PXDNL: variants seen among roughly 807,000 people sequenced by gnomAD.
PXDNL encodes the protein probable oxidoreductase PXDNL.
PXDNL carries 145 observed loss-of-function variants against 150.8 expected under a neutral mutation model. The observed-to-expected ratio is 0.96, with a 90% CI of 0.84 to 1.10. The LOEUF (loss-of-function observed/expected upper bound fraction) is 1.10. Among genes scored for constraint, PXDNL ranks in the 50% least tolerant of loss-of-function variants. The pLI is 0.00. For missense variants in PXDNL, 2,087 were observed against 1,873.9 expected (o/e 1.11, Z -2.10); for synonymous variants, 757 against 725.7 (o/e 1.04, Z -0.69).
At chr8:51,690,341 C>T (rs904361547) in intron 1 of PXDNL, among the ~76,000 whole-genome samples, 1 of 152,060 alleles carries the variant, frequency 6.6e-6, no homozygotes, top group Non-Finnish European at 1.5e-5. Flanking sequence ...CTACAACAGT[C>T]CCCAGAGTGT....
chr8:51,608,002 G>GAAGAAAGAAAGAAAGAAAGAAAGA (rs71237219), intron 2 of PXDNL, among the ~76,000 whole-genome samples: 5 of 64,634 alleles, frequency 7.7e-5, no homozygotes, highest in South Asian at 5.0e-4. Context: ...AGGAAGGAAG[G>GAAGAAAGAAAGAAAGAAAGAAAGA]AAGAAAGAAA....
intron 12 of PXDNL, among the ~76,000 whole-genome samples, chr8:51,444,225 G>A (rs566845242): frequency 6.8e-4 from 104 of 152,266 alleles, no homozygotes; most frequent in African/African-American, 2.4e-3. Context: ...GGTTCAGGCT[G>A]AGGCTCCAGC....
intron 3 of PXDNL, among the ~76,000 whole-genome samples, chr8:51,580,011 T>C (rs1813169357): frequency 6.8e-6 from 1 of 146,940 alleles, no homozygotes; most frequent in Non-Finnish European, 1.5e-5. Flanking sequence ...ATAATAATAA[T>C]AAAATTAAAT....
At chr8:51,639,900 A>T (rs961858088) in intron 2 of PXDNL, among the ~76,000 whole-genome samples, 10 of 152,096 alleles carry the variant, frequency 6.6e-5, no homozygotes, top group African/African-American at 1.9e-4. Context: ...GACGCAACCA[A>T]AAAAGAGAAT....
chr8:51,656,654 G>A (rs995091387), intron 1 of PXDNL, among the ~76,000 whole-genome samples: 10 of 152,078 alleles, frequency 6.6e-5, no homozygotes, highest in South Asian at 6.2e-4. Flanking sequence ...CCTTATTTTC[G>A]GCTTTGAAAT....
chr8:51,443,462 G>A (rs1341147669), intron 12 of PXDNL, among the ~76,000 whole-genome samples: 1 of 152,054 alleles, frequency 6.6e-6, no homozygotes, highest in Admixed American at 6.6e-5. Flanking sequence ...CAATCATTTT[G>A]GCCTCAGGAA....
intron 21 of PXDNL, among the ~76,000 whole-genome samples, chr8:51,332,574 C>CA (rs34764699): frequency 0.04 from 5,421 of 135,264 alleles, 202 homozygotes; most frequent in African/African-American, 0.096. Context: ...GAGCTTGTAT[C>CA]AAAAAAAAAA....
chr8:51,763,180 G>T (rs947155760), intron 1 of PXDNL, among the ~76,000 whole-genome samples: 3 of 152,044 alleles, frequency 2.0e-5, no homozygotes, highest in Non-Finnish European at 4.4e-5. Context: ...TTATATAAAT[G>T]ATATCATAGA....
At chr8:51,468,664 CT>C (rs1490101943) in intron 8 of PXDNL, among the ~76,000 whole-genome samples, 1 of 151,888 alleles carries the variant, frequency 6.6e-6, no homozygotes, top group African/African-American at 2.4e-5. Flanking sequence ...CCCTGCTTCC[CT>C]TTTGTGGATT....
intron 4 of PXDNL, among the ~76,000 whole-genome samples, chr8:51,508,967 C>T (rs1233607240): frequency 1.3e-5 from 2 of 152,180 alleles, no homozygotes; most frequent in African/African-American, 4.8e-5. Context: ...AAAAGAGATC[C>T]AGATGCTGCA....
intron 1 of PXDNL, among the ~76,000 whole-genome samples, chr8:51,694,097 C>T (rs996419251): frequency 2.6e-5 from 4 of 152,288 alleles, no homozygotes; most frequent in South Asian, 2.1e-4. Flanking sequence ...TAGTATCCTG[C>T]GGAAAAATGC....
intron 17 of PXDNL, among the ~76,000 whole-genome samples, chr8:51,387,016 C>T (rs1009990206): frequency 8.5e-5 from 13 of 152,238 alleles, no homozygotes; most frequent in Non-Finnish European, 1.6e-4. Flanking sequence ...GATGTGAGAG[C>T]TTCTCCACTC....
At chr8:51,561,124 G>T (rs1278583174) in intron 3 of PXDNL, among the ~76,000 whole-genome samples, 1 of 151,972 alleles carries the variant, frequency 6.6e-6, no homozygotes, top group Admixed American at 6.6e-5. Flanking sequence ...TTGTGAGGAT[G>T]TGGAGAAATA....
At chr8:51,459,657 C>T (rs1178136135) in intron 8 of PXDNL, among the ~76,000 whole-genome samples, 1 of 152,126 alleles carries the variant, frequency 6.6e-6, no homozygotes, top group Non-Finnish European at 1.5e-5. Context: ...CATGATGTTC[C>T]TTCCCAAAAA....
intron 17 of PXDNL, among the ~76,000 whole-genome samples, chr8:51,382,501 C>A (rs1217255681): frequency 6.6e-6 from 1 of 152,036 alleles, no homozygotes; most frequent in Non-Finnish European, 1.5e-5. Context: ...GTTTGCCTGC[C>A]AAAAATGAGA....
intron 3 of PXDNL, among the ~76,000 whole-genome samples, chr8:51,580,556 A>G (rs529921938): frequency 7.9e-5 from 12 of 152,162 alleles, no homozygotes; most frequent in Non-Finnish European, 1.3e-4. Context: ...ACATCTGTTC[A>G]TTAGACTTTT....
At chr8:51,631,755 A>T (rs1197613848) in intron 2 of PXDNL, among the ~76,000 whole-genome samples, 2 of 152,198 alleles carry the variant, frequency 1.3e-5, no homozygotes, top group Non-Finnish European at 2.9e-5. Flanking sequence ...TAAAGATGTA[A>T]TATGTAATAG....
At chr8:51,514,463 G>A (rs1245241724) in intron 4 of PXDNL, among the ~76,000 whole-genome samples, 1 of 152,162 alleles carries the variant, frequency 6.6e-6, no homozygotes, top group Non-Finnish European at 1.5e-5. Flanking sequence ...AAGACGCGGG[G>A]CAGCAGACTC....
intron 9 of PXDNL, among the ~76,000 whole-genome samples, chr8:51,455,506 G>A (rs749213020): frequency 1.1e-4 from 16 of 152,126 alleles, no homozygotes; most frequent in South Asian, 2.1e-4. Context: ...TTTGGGAAGA[G>A]CTCAGATGGA....
Sources: allele counts gnomAD v4.1 joint callset (sites outside exome capture counted in the v4.1 genomes callset), GRCh38; gene constraint gnomAD v4.1.1; transcripts MANE v1.5; gene names NCBI Gene and HGNC (gene_info 2026-07-23, HGNC 2026-07-21).